NAV1: variants seen among roughly 807,000 people sequenced by gnomAD.
The protein encoded by NAV1 is pore membrane and/or filament interacting like protein 3.
Under a neutral mutation model 175.2 loss-of-function variants are expected in NAV1, and 18 were observed. The observed-to-expected ratio is 0.10, with a 90% confidence interval of 0.07 to 0.15. The LOEUF (loss-of-function observed/expected upper bound fraction) is 0.15, where lower values mean the gene tolerates loss of function less well. NAV1 is among the 10% of genes least tolerant of loss of function. NAV1 has a pLI of 1.00. For synonymous variants in NAV1, 897 were observed against 978.7 expected (o/e 0.92, Z 1.56); for missense variants, 1,731 against 2,436.6 (o/e 0.71, Z 6.10).
At chr1:201,642,517 CTTTCTTTT>C (rs1459355109) in intron 2 of NAV1, among the ~76,000 whole-genome samples, 4 of 118,416 alleles carry the variant, frequency 3.4e-5, no homozygotes, top group African/African-American at 1.5e-4. Flanking sequence ...CGGCCTCTTT[CTTTCTTTT>C]TTTCTTTCTT....
At chr1:201,758,792 C>A (rs1674661357) in intron 3 of NAV1, among the ~76,000 whole-genome samples, 1 of 152,196 alleles carries the variant, frequency 6.6e-6, no homozygotes, top group African/African-American at 2.4e-5. Flanking sequence ...TCTGTGACCA[C>A]CCCTAACTTC....
chr1:201,660,909 G>T (rs1669586892), intron 1 of NAV1, among the ~76,000 whole-genome samples: 2 of 152,098 alleles, frequency 1.3e-5, no homozygotes, highest in South Asian at 4.1e-4. Context: ...GCACATGAGG[G>T]CTCAAAAAAG....
chr1:201,608,915 G>A lies in NAV1; in HGVS notation c.-32-13938G>A, dbSNP rs1433081448. On this transcript the variant is annotated intron_variant, in intron 2 of 33. Coordinates refer to the NAV1 transcript ENST00000685211. ...GCACAGTTTTAGCTTGGCTCTGAGG[G>A]AGGCTGCTGGAGCCAGCAGGACAGG... Among the ~76,000 whole-genome samples the A allele has an allele frequency of 2.6e-5, 4 of 152,224 alleles. No individual in the cohort carries two copies. The South Asian group carries it at 8.3e-4, about 31-fold the overall frequency.
At chr1:201,594,417 G>A (rs922174215) in intron 2 of NAV1, among the ~76,000 whole-genome samples, 3 of 152,150 alleles carry the variant, frequency 2.0e-5, no homozygotes, top group Admixed American at 6.5e-5. Flanking sequence ...AGGAACCTGC[G>A]GGAGGGAGCC....
At chr1:201,549,955 G>C (rs1387390013) in intron 1 of NAV1, among the ~76,000 whole-genome samples, 1 of 137,712 alleles carries the variant, frequency 7.3e-6, no homozygotes, top group Non-Finnish European at 1.5e-5. Context: ...AGCTTACAGT[G>C]AGCCAAGATC....
chr1:201,674,331 C>T (rs1021153439), intron 1 of NAV1, among the ~76,000 whole-genome samples: 3 of 152,042 alleles, frequency 2.0e-5, no homozygotes, highest in South Asian at 2.1e-4. Flanking sequence ...GCCGCAGTGC[C>T]GCACTACCCA....
chr1:201,592,056 G>T (rs1667214983), intron 2 of NAV1, among the ~76,000 whole-genome samples: 1 of 152,120 alleles, frequency 6.6e-6, no homozygotes, highest in Admixed American at 6.5e-5. Flanking sequence ...CTGCAGAGGT[G>T]TCTTCTCTCC....
intron 1 of NAV1, among the ~76,000 whole-genome samples, chr1:201,680,569 A>G (rs1670427164): frequency 6.6e-6 from 1 of 152,170 alleles, no homozygotes. Context: ...GGGTGAATTA[A>G]TAGAGTGAGA....
chr1:201,717,030 T>G (rs1672168545), intron 2 of NAV1, among the ~76,000 whole-genome samples: 1 of 152,216 alleles, frequency 6.6e-6, no homozygotes, highest in African/African-American at 2.4e-5. Flanking sequence ...ACAGGACTAC[T>G]GCCAGGACCC....
At chr1:201,745,264 A>C (rs537759120) in intron 3 of NAV1, among the ~76,000 whole-genome samples, 3 of 152,336 alleles carry the variant, frequency 2.0e-5, no homozygotes, top group African/African-American at 7.2e-5. Flanking sequence ...ACACACATGC[A>C]TATGTACACA....
At chr1:201,751,433 G>A (rs529583238) in intron 3 of NAV1, among the ~76,000 whole-genome samples, 1 of 152,298 alleles carries the variant, frequency 6.6e-6, no homozygotes, top group Non-Finnish European at 1.5e-5. Flanking sequence ...CCCCTTTGAA[G>A]AAGAATGAAG....
At chr1:201,805,539 G>A (rs984892187) in intron 17 of NAV1, among the ~76,000 whole-genome samples, 1 of 152,186 alleles carries the variant, frequency 6.6e-6, no homozygotes, top group African/African-American at 2.4e-5. Flanking sequence ...CATAGGAAGA[G>A]CCTGATACTT....
At chr1:201,635,880 AGAG>A (rs2102304864) in intron 2 of NAV1, among the ~76,000 whole-genome samples, 1 of 152,352 alleles carries the variant, frequency 6.6e-6, no homozygotes, top group Admixed American at 6.5e-5. Context: ...ACACTGAAGG[AGAG>A]GTGGCCTGGT....
In NAV1 at chr1:201,810,391, T is replaced by C; in HGVS notation, c.4562-132T>C. The C allele has an allele frequency of 1.1e-6, 1 of 905,962 alleles. No homozygotes were observed. Among genetic ancestry groups the C allele is most frequent in the Non-Finnish European group, 1.7e-6 (1 of 601,284 alleles). The allele number at this position is 905,962 out of a possible 1,614,324, so 56.1% of individuals were successfully genotyped here. ...TCAAAACTAGGGGTTAAGGGACTCT[T>C]ATGGAACCATGGGGCAAGTGGCTCT... On this transcript the variant is annotated intron_variant, in intron 23 of 29. Transcript: ENST00000367296. This position sits in a 1 kb window ranked among gnomAD's most constrained non-coding sequence, Gnocchi z 6.0.
Position 201,608,213 on chromosome 1 carries a change from G to A in NAV1, c.-32-14640G>A, listed in dbSNP as rs530211916. 1.4e-3 allele frequency among the ~76,000 whole-genome samples: 209 copies of A among 152,290 alleles called. 1 individual carries two copies. The highest frequency in any genetic ancestry group is 2.4e-3 in the Non-Finnish European group (163 of 68,020). ...AACAACGAAAGCTTAGAGAGGTTAA[G>A]TAACTTTCCCAAAACTGCACAGCTT... is the stretch of plus-strand genomic sequence containing the variant. On this transcript the variant is annotated intron_variant, in intron 2 of 33. Transcript: ENST00000685211.
At position 201,769,999 on chromosome 1, in the gene NAV1, A is replaced by G. The variant is rs183537566; in HGVS notation, c.1227-10422A>G. ...ACAGAAGCAATAAGGATTTTTTCCT[A>G]TGTAGTCACAAGCTGGTCCACTCTT... On this transcript the variant is annotated intron_variant, in intron 3 of 29. Transcript: ENST00000367296. Among the ~76,000 whole-genome samples, 267 of 152,332 alleles carry G rather than the reference A, an allele frequency of 1.8e-3. 1 individual carries two copies. Among genetic ancestry groups the G allele is most frequent in the African/African-American group, 6.0e-3 (250 of 41,560 alleles).
At chr1:201,747,193 G>A (rs1247738533) in intron 3 of NAV1, among the ~76,000 whole-genome samples, 1 of 152,076 alleles carries the variant, frequency 6.6e-6, no homozygotes, top group African/African-American at 2.4e-5. Context: ...CGTCCTCCTG[G>A]GCCCCCATTC....
chr1:201,808,348 G>A lies in NAV1; in HGVS notation c.3846-70G>A, dbSNP rs1678443723. On this transcript the variant is annotated intron_variant, in intron 18 of 29. Transcript: ENST00000367296. This position sits in a 1 kb window ranked among gnomAD's most constrained non-coding sequence, Gnocchi z 5.5. Reference sequence around the variant, plus strand: ...AGGAGAAGCCAAGACCACCAACCATGCCTCTCAATATTCTCTAGTAACTCT... The same window carrying A: ...AGGAGAAGCCAAGACCACCAACCATACCTCTCAATATTCTCTAGTAACTCT... The A allele has an allele frequency of 1.3e-6, 2 of 1,518,534 alleles. No homozygotes were observed. Among genetic ancestry groups the A allele is most frequent in the Admixed American group, 2.0e-5 (1 of 49,628 alleles). The allele number at this position is 1,518,534 out of a possible 1,614,324, so 94.1% of individuals were successfully genotyped here.
chr1:201,715,053 G>A (rs1029501071), intron 2 of NAV1, among the ~76,000 whole-genome samples: 1 of 152,128 alleles, frequency 6.6e-6, no homozygotes, highest in African/African-American at 2.4e-5. Flanking sequence ...CCCCGGAGCT[G>A]GTTTTTCTGT....
Sources: allele counts gnomAD v4.1 joint callset (sites outside exome capture counted in the v4.1 genomes callset), GRCh38; gene constraint gnomAD v4.1.1; non-coding constraint Gnocchi (gnomAD v3.1); transcripts MANE v1.5; gene names NCBI Gene and HGNC (gene_info 2026-07-23, HGNC 2026-07-21).